The following THSD4 variants were observed in gnomAD, a reference collection of about 807,000 sequenced individuals.
The protein encoded by THSD4 is thrombospondin type-1 domain-containing protein 4.
Under a neutral mutation model 119.0 loss-of-function variants are expected in THSD4, and 69 were observed. The observed-to-expected ratio is 0.58, with a 90% CI of 0.48 to 0.71. The LOEUF is 0.71. Ranked by LOEUF, THSD4 falls within the 30% of genes least tolerant of loss-of-function variation. THSD4 has a pLI of 0.00. For missense variants in THSD4, 1,393 were observed against 1,391.1 expected (o/e 1.00, Z -0.02); for synonymous variants, 524 against 540.4 (o/e 0.97, Z 0.42).
rs1386961065 is a variant in THSD4 at position 71,699,362 on chromosome 15, G to A, written c.1358-29187G>A. 1.2e-4 allele frequency among the ~76,000 whole-genome samples: 8 copies of A among 64,870 alleles called. 2 individuals carry two copies. Among genetic ancestry groups the A allele is most frequent in the South Asian group, 5.2e-4 (1 of 1,910 alleles). The allele number at this position is 64,870 out of a possible 152,430, so 42.6% of individuals were successfully genotyped here. A position where few individuals can be genotyped will look rare whatever the true frequency, so the allele number is the denominator to read the frequency against. ...CAAGTAGCTGGGACTACAGGCGCCC[G>A]CCACTACGCCCGGCTAATTTTTTTG... On this transcript the variant is annotated intron_variant, in intron 8 of 17. Transcript: ENST00000261862.
At chr15:71,533,655 A>G (rs1421973830) in intron 7 of THSD4, among the ~76,000 whole-genome samples, 1 of 152,222 alleles carries the variant, frequency 6.6e-6, no homozygotes, top group East Asian at 1.9e-4. Flanking sequence ...TGTATGCATT[A>G]TGAAGTCCGC....
chr15:71,174,082 A>G (rs961268592), intron 3 of THSD4, among the ~76,000 whole-genome samples: 8 of 152,194 alleles, frequency 5.3e-5, no homozygotes, highest in Non-Finnish European at 2.9e-5. Flanking sequence ...AAAATAGCCA[A>G]CTGGACTTCA....
Position 71,663,060 on chromosome 15 carries a change from G to A in THSD4, c.1357+2326G>A, listed in dbSNP as rs73447729. Among the ~76,000 whole-genome samples the A allele has an allele frequency of 7.3e-3, 1,110 of 152,104 alleles. 19 individuals are homozygous for A. The highest frequency in any genetic ancestry group is 0.025 in the African/African-American group (1,031 of 41,480). On this transcript the variant is annotated intron_variant, in intron 8 of 17. Transcript: ENST00000261862. ...AGTCAAGAGTTCACGACCAGCCTGC[G>A]CAACATCAAGTGAGACCCCATCTCT... is the stretch of plus-strand genomic sequence containing the variant.
At chr15:71,470,556 G>A (rs1207765569) in intron 7 of THSD4, among the ~76,000 whole-genome samples, 1 of 152,118 alleles carries the variant, frequency 6.6e-6, no homozygotes, top group Non-Finnish European at 1.5e-5. Context: ...CCGTTTCATA[G>A]GTGAGGAAAC....
chr15:71,537,957 T>C (rs1189971359), intron 7 of THSD4, among the ~76,000 whole-genome samples: 1 of 151,936 alleles, frequency 6.6e-6, no homozygotes, highest in East Asian at 1.9e-4. Flanking sequence ...GGGATGAGGT[T>C]TCACCATGTT....
intron 3 of THSD4, among the ~76,000 whole-genome samples, chr15:71,199,489 G>T (rs1048182682): frequency 1.3e-5 from 1 of 76,780 alleles, no homozygotes; most frequent in African/African-American, 3.3e-5. Context: ...TGTGTGTGGG[G>T]TGTGTGTGGT....
chr15:71,747,156 CG>C, intron 13 of THSD4, 114 bp downstream of exon 13: 2 of 1,246,116 alleles, frequency 1.6e-6, no homozygotes, highest in Non-Finnish European at 2.2e-6. Context: ...GGAGGGAACC[CG>C]TCCCGTGGGG....
At chr15:71,444,174 G>A (rs1241440490) in intron 7 of THSD4, among the ~76,000 whole-genome samples, 1 of 152,210 alleles carries the variant, frequency 6.6e-6, no homozygotes, top group Non-Finnish European at 1.5e-5. Flanking sequence ...GGGTGGACAG[G>A]CACGCAGAGA....
chr15:71,417,509 T>C (rs2046773696), intron 7 of THSD4, among the ~76,000 whole-genome samples: 1 of 108,248 alleles, frequency 9.2e-6, no homozygotes, highest in African/African-American at 3.1e-5. Context: ...TTTTCCAATG[T>C]ATGCTCTTGA....
At chr15:71,525,443 G>T (rs1341155505) in intron 7 of THSD4, among the ~76,000 whole-genome samples, 1 of 152,342 alleles carries the variant, frequency 6.6e-6, no homozygotes, top group Middle Eastern at 3.4e-3. Flanking sequence ...GGCAGAGGAA[G>T]ATACAGAACT....
At chr15:71,361,760 C>T (rs546572551) in intron 6 of THSD4, among the ~76,000 whole-genome samples, 9 of 152,162 alleles carry the variant, frequency 5.9e-5, no homozygotes, top group Admixed American at 1.3e-4. Flanking sequence ...GGAGAAAAAA[C>T]GGGTCAAACA....
intron 7 of THSD4, among the ~76,000 whole-genome samples, chr15:71,476,005 C>T (rs2047650077): frequency 6.6e-6 from 1 of 152,186 alleles, no homozygotes; most frequent in African/African-American, 2.4e-5. Flanking sequence ...CTCAGCCATT[C>T]ACTAACTGTG....
At chr15:71,341,227 C>A in intron 6 of THSD4, 3 of 1,591,398 alleles carry the variant, frequency 1.9e-6, no homozygotes, top group Non-Finnish European at 2.6e-6. Context: ...GGGCAACCTC[C>A]TCTTCTGGTT....
chr15:71,132,244 GGAA>G (rs1393868342), intron 1 of THSD4, among the ~76,000 whole-genome samples: 1 of 152,142 alleles, frequency 6.6e-6, no homozygotes, highest in African/African-American at 2.4e-5. Flanking sequence ...TAAGGAACAA[GGAA>G]GAGTAGCAAA....
intron 7 of THSD4, among the ~76,000 whole-genome samples, chr15:71,461,468 A>G (rs2047427280): frequency 6.6e-6 from 1 of 152,212 alleles, no homozygotes; most frequent in Non-Finnish European, 1.5e-5. Context: ...TTGCCATCTC[A>G]GAGCTGGGTC....
chr15:71,540,554 G>A (rs1194073842), intron 7 of THSD4, among the ~76,000 whole-genome samples: 1 of 143,770 alleles, frequency 7.0e-6, no homozygotes. Flanking sequence ...TCAGCCTCCC[G>A]AGTAGATGGG....
chr15:71,330,305 C>T (rs2045405037), intron 6 of THSD4, among the ~76,000 whole-genome samples: 3 of 152,090 alleles, frequency 2.0e-5, no homozygotes, highest in Non-Finnish European at 4.4e-5. Flanking sequence ...CCCCACTCCT[C>T]AGAAATGGGT....
rs1443048394 is a variant in THSD4 at position 71,684,648 on chromosome 15, T to C, written c.1357+23914T>C. ...CCTGTTTCATCTTGCTGAATGGTTT[T>C]TTTAATGTTCTGTTGAATTCAATTT... On this transcript the variant is annotated intron_variant, in intron 8 of 17. Coordinates refer to ENST00000261862, the MANE Select transcript of THSD4 (RefSeq NM_024817.3). 2.0e-5 allele frequency among the ~76,000 whole-genome samples: 3 copies of C among 152,148 alleles called. No individual in the cohort carries two copies. The East Asian group carries it at 5.8e-4, about 29-fold the overall frequency.
chr15:71,689,722 C>G (rs993865393), intron 8 of THSD4, among the ~76,000 whole-genome samples: 1 of 152,036 alleles, frequency 6.6e-6, no homozygotes, highest in Non-Finnish European at 1.5e-5. Context: ...TACCATCACC[C>G]TCATTGAGAT....
Sources: gnomAD v4.1 joint callset for allele counts (sites outside exome capture counted in the v4.1 genomes callset) on GRCh38, gnomAD v4.1.1 for gene constraint, MANE v1.5 for transcripts, NCBI Gene and HGNC (gene_info 2026-07-23, HGNC 2026-07-21) for gene names.